The following ATXN10 variants were observed in gnomAD, a reference collection of about 807,000 sequenced individuals.
ATXN10 encodes ataxin-10.
A neutral mutation model predicts 52.9 loss-of-function variants in ATXN10; 28 were observed. That is an observed-to-expected ratio of 0.53 (90% CI 0.39 to 0.73). The LOEUF (loss-of-function observed/expected upper bound fraction) is 0.73, where lower values mean the gene tolerates loss of function less well. ATXN10 is among the 30% of genes least tolerant of loss of function. The probability of loss-of-function intolerance (pLI) is 0.00; values close to 1 mark genes in which losing one functional copy is unlikely to be tolerated. For missense variants in ATXN10, 565 were observed against 577.0 expected, an observed-to-expected ratio of 0.98 and a Z score of 0.21; for synonymous variants, 226 against 221.5, an observed-to-expected ratio of 1.02 and a Z score of -0.18.
chr22:45,717,509 A>G (rs572371715), intron 5 of ATXN10, among the ~76,000 whole-genome samples: 1 of 152,334 alleles, frequency 6.6e-6, no homozygotes, highest in African/African-American at 2.4e-5. Context: ...AATATTATCC[A>G]TTATTTTTAG....
intron 9 of ATXN10, among the ~76,000 whole-genome samples, chr22:45,749,734 A>ATT (rs1459650743): frequency 6.6e-6 from 1 of 151,484 alleles, no homozygotes; most frequent in African/African-American, 2.4e-5. Context: ...ACTACTAAAA[A>ATT]TTTTTTTTTG....
chr22:45,723,547 T>C (rs998153291), intron 6 of ATXN10, among the ~76,000 whole-genome samples: 3 of 152,172 alleles, frequency 2.0e-5, no homozygotes, highest in African/African-American at 7.2e-5. Context: ...GCCTGCTGAG[T>C]CTCCAGTGTC....
In ATXN10 at chr22:45,733,728, C is replaced by T. The variant is rs1232273273; in HGVS notation, c.894+4138C>T. 6.6e-6 allele frequency among the ~76,000 whole-genome samples: 1 copy of T among 151,492 alleles called. No homozygotes were observed. The highest frequency in any genetic ancestry group is 1.5e-5 in the Non-Finnish European group (1 of 67,936). On this transcript the variant is annotated intron_variant, in intron 7 of 11. Coordinates refer to ENST00000252934, the MANE Select transcript of ATXN10 (RefSeq NM_013236.4). This position sits in a 1 kb window ranked among gnomAD's most constrained non-coding sequence, Gnocchi z 4.4. ...CTGAGATTGTGCCATTGCACTTCAG[C>T]CTGGGCGACAGAGCAAGACTCCCAT...
rs192551980 is a variant in ATXN10 at position 45,789,301 on chromosome 22, C to T, written c.1174-17658C>T. On this transcript the variant is annotated intron_variant, in intron 9 of 11. Coordinates refer to ENST00000252934, the MANE Select transcript of ATXN10 (RefSeq NM_013236.4). The surrounding 1 kb of genome is among the most constrained non-coding windows in gnomAD (Gnocchi z 4.0). ...CCCCCTGGCTAAGTTTCATTCAGTA[C>T]GTATCTGTTGGTTATATTTGGACCC... Among the ~76,000 whole-genome samples, 146 of 152,278 alleles carry T rather than the reference C, an allele frequency of 9.6e-4. No homozygotes were observed. Among genetic ancestry groups the T allele is most frequent in the Middle Eastern group, 6.8e-3 (2 of 294 alleles).
chr22:45,832,088 A>G (rs1453245184), intron 10 of ATXN10, among the ~76,000 whole-genome samples: 1 of 152,184 alleles, frequency 6.6e-6, no homozygotes, highest in Non-Finnish European at 1.5e-5. Flanking sequence ...CCAAAATTTT[A>G]TTCTCACCAT....
intron 6 of ATXN10, among the ~76,000 whole-genome samples, chr22:45,726,195 A>G (rs1448758198): frequency 6.6e-6 from 1 of 152,020 alleles, no homozygotes; most frequent in Admixed American, 6.6e-5. Context: ...GTTAGGTAGG[A>G]TTCTCTCTTT....
intron 5 of ATXN10, among the ~76,000 whole-genome samples, chr22:45,711,241 T>C (rs565707744): frequency 6.6e-6 from 1 of 151,508 alleles, no homozygotes; most frequent in African/African-American, 2.4e-5. Flanking sequence ...ATGGTAATTA[T>C]AGCAGAGTGA....
rs1359523452 is a variant in ATXN10 at position 45,843,248 on chromosome 22, C to G, written c.1425+70C>G. ...AGCTGTTTCCACTTCCCCATTGCTT[C>G]AAGCACGAGGCTCTTTGTAAGAATA... On this transcript the variant is annotated intron_variant, in intron 11 of 11. Transcript: ENST00000252934. The surrounding 1 kb of genome is among the most constrained non-coding windows in gnomAD (Gnocchi z 4.5). 5 of 1,499,802 alleles carry G rather than the reference C, an allele frequency of 3.3e-6. No homozygotes were observed. Among genetic ancestry groups the G allele is most frequent in the East Asian group, 2.3e-5 (1 of 44,280 alleles). The allele number at this position is 1,499,802 out of a possible 1,614,324, so 92.9% of individuals were successfully genotyped here.
At position 45,842,914 on chromosome 22, in the gene ATXN10, ACTC is replaced by A; in HGVS notation, c.1238-74_1238-72del. 6.7e-7 allele frequency: 1 copy of A among 1,484,434 alleles called. No individual in the cohort carries two copies. The highest frequency in any genetic ancestry group is 9.4e-7 in the Non-Finnish European group (1 of 1,063,826). The allele number at this position is 1,484,434 out of a possible 1,614,324, so 92.0% of individuals were successfully genotyped here. A position where few individuals can be genotyped will look rare whatever the true frequency, so the allele number is the denominator to read the frequency against. On this transcript the variant is annotated intron_variant, in intron 10 of 11. Transcript: ENST00000252934. The surrounding 1 kb of genome is among the most constrained non-coding windows in gnomAD (Gnocchi z 4.8). ...ATGTTCCGTGTTTCTGTGCTCCTCT[ACTC>A]CTTTTCTGATAATTCTTATGTGAAG...
At chr22:45,725,308 T>C (rs1924822500) in intron 6 of ATXN10, among the ~76,000 whole-genome samples, 1 of 152,174 alleles carries the variant, frequency 6.6e-6, no homozygotes, top group African/African-American at 2.4e-5. Context: ...TTTCCATTAG[T>C]TTGTGTCATC....
rs892495375 is a variant in ATXN10 at position 45,795,403 on chromosome 22, C to T, written c.1174-11556C>T. Among the ~76,000 whole-genome samples the T allele has an allele frequency of 6.7e-6, 1 of 149,202 alleles. No individual in the cohort carries two copies. The highest frequency in any genetic ancestry group is 2.5e-5 in the African/African-American group (1 of 39,608). On this transcript the variant is annotated intron_variant, in intron 9 of 11. Coordinates refer to ENST00000252934, the MANE Select transcript of ATXN10 (RefSeq NM_013236.4). This position sits in a 1 kb window ranked among gnomAD's most constrained non-coding sequence, Gnocchi z 4.6. Reference sequence around the variant, plus strand: ...CTATTCTATTCTATTCTATTCTATTCTATTCTATTCTATTCTATTCTTTTT... The same window carrying T: ...CTATTCTATTCTATTCTATTCTATTTTATTCTATTCTATTCTATTCTTTTT...
chr22:45,831,225 G>A (rs1274280175), intron 10 of ATXN10, among the ~76,000 whole-genome samples: 2 of 152,168 alleles, frequency 1.3e-5, no homozygotes, highest in Non-Finnish European at 2.9e-5. Context: ...CTGTTTAATG[G>A]GGACTGAGTT....
At chr22:45,738,609 A>T in intron 7 of ATXN10, 122 bp from the exon 8 acceptor site, 1 of 842,436 alleles carries the variant, frequency 1.2e-6, no homozygotes, top group Non-Finnish European at 1.8e-6. Flanking sequence ...TTTCTCTTTG[A>T]CTTATTACAA....
chr22:45,729,754 G>C, intron 7 of ATXN10, 164 bp downstream of exon 7: 1 of 810,242 alleles, frequency 1.2e-6, no homozygotes, highest in Non-Finnish European at 2.0e-6. Flanking sequence ...AGGGAAAACA[G>C]TGTCCTTATT....
intron 10 of ATXN10, among the ~76,000 whole-genome samples, chr22:45,815,937 C>T (rs150034143): frequency 1.7e-3 from 264 of 152,246 alleles, no homozygotes; most frequent in African/African-American, 6.1e-3. Flanking sequence ...GCATCTAGCA[C>T]GTAGTAACCA....
intron 9 of ATXN10, among the ~76,000 whole-genome samples, chr22:45,802,601 A>T (rs924847015): frequency 2.6e-5 from 4 of 152,188 alleles, no homozygotes; most frequent in Admixed American, 6.5e-5. Flanking sequence ...AACTTCTATA[A>T]ATGGTTCCCT....
Position 45,684,441 on chromosome 22 carries a change from T to G in ATXN10, c.117-5271T>G, listed in dbSNP as rs190367604. On this transcript the variant is annotated intron_variant, in intron 1 of 11. Coordinates refer to ENST00000252934, the MANE Select transcript of ATXN10 (RefSeq NM_013236.4). This position sits in a 1 kb window ranked among gnomAD's most constrained non-coding sequence, Gnocchi z 4.1. ...GATCTGGCCTACTACCTGTTTTTTTTATGACCCATGAGTTAAGAATGGTTT... is the reference window on the plus strand; with the variant it reads ...GATCTGGCCTACTACCTGTTTTTTTGATGACCCATGAGTTAAGAATGGTTT... 6.6e-6 allele frequency among the ~76,000 whole-genome samples: 1 copy of G among 152,294 alleles called. No homozygotes were observed. The highest frequency in any genetic ancestry group is 6.5e-5 in the Admixed American group (1 of 15,298).
chr22:45,754,629 G>C lies in ATXN10; in HGVS notation c.1173+14091G>C, dbSNP rs1926109968. On this transcript the variant is annotated intron_variant, in intron 9 of 11. Coordinates refer to ENST00000252934, the MANE Select transcript of ATXN10 (RefSeq NM_013236.4). This position sits in a 1 kb window ranked among gnomAD's most constrained non-coding sequence, Gnocchi z 5.4. ...GCACTTTGGGAGGCCGAGGCCAGCGGATCACCTGAGGTCAGGAGTTCGAGA... is the reference window on the plus strand; with the variant it reads ...GCACTTTGGGAGGCCGAGGCCAGCGCATCACCTGAGGTCAGGAGTTCGAGA... Among the ~76,000 whole-genome samples, 1 of 152,182 alleles carries C rather than the reference G, an allele frequency of 6.6e-6. No homozygotes were observed. Among genetic ancestry groups the C allele is most frequent in the African/African-American group, 2.4e-5 (1 of 41,450 alleles).
rs778309094 is a variant in ATXN10 at position 45,823,124 on chromosome 22, G to A, written c.1237+16102G>A. 4.2e-6 allele frequency: 2 copies of A among 471,652 alleles called. No homozygotes were observed. The highest frequency in any genetic ancestry group is 1.5e-5 in the South Asian group (1 of 64,528). The allele number at this position is 471,652 out of a possible 1,614,324, so 29.2% of individuals were successfully genotyped here. A position where few individuals can be genotyped will look rare whatever the true frequency, so the allele number is the denominator to read the frequency against. ...CATCTTGACATAAGTACAGATGTAT[G>A]TACGCATCACCCAGATGGAAATACA... is the stretch of plus-strand genomic sequence containing the variant. On this transcript the variant is annotated intron_variant, in intron 10 of 11. Transcript: ENST00000252934. This position sits in a 1 kb window ranked among gnomAD's most constrained non-coding sequence, Gnocchi z 4.9.
Sources: gnomAD v4.1 joint callset for allele counts (sites outside exome capture counted in the v4.1 genomes callset) on GRCh38, gnomAD v4.1.1 for gene constraint, Gnocchi (gnomAD v3.1) non-coding constraint, MANE v1.5 for transcripts, NCBI Gene and HGNC (gene_info 2026-07-23, HGNC 2026-07-21) for gene names.